Variants in WDR72 observed in about 807,000 individuals in gnomAD.
WDR72 encodes WD repeat domain 72.
A neutral mutation model predicts 124.2 loss-of-function variants in WDR72; 120 were observed. The ratio of observed to expected loss-of-function variants is 0.97; its 90% CI spans 0.83 to 1.12. The LOEUF (loss-of-function observed/expected upper bound fraction) is 1.12. Among genes scored for constraint, WDR72 ranks in the 50% most tolerant of loss-of-function variants. The pLI is 0.00. For missense variants in WDR72, 1,387 were observed against 1,278.8 expected, an observed-to-expected ratio of 1.08 and a Z score of -1.29; for synonymous variants, 452 against 441.7, an observed-to-expected ratio of 1.02 and a Z score of -0.29.
intron 11 of WDR72, 22 bp downstream of exon 11, chr15:53,704,966 G>A (rs761405627): frequency 1.2e-6 from 2 of 1,612,466 alleles, no homozygotes; most frequent in African/African-American, 2.7e-5. Context: ...CAAATAAATA[G>A]GGTCAAATAA....
intron 13 of WDR72, among the ~76,000 whole-genome samples, chr15:53,677,128 G>T (rs1228023995): frequency 3.9e-5 from 6 of 151,968 alleles, no homozygotes; most frequent in Non-Finnish European, 8.8e-5. Flanking sequence ...CACTGTGTTA[G>T]CCAGGATGGT....
At chr15:53,626,539 G>C (rs992590427) in intron 14 of WDR72, among the ~76,000 whole-genome samples, 2 of 152,194 alleles carry the variant, frequency 1.3e-5, no homozygotes, top group Admixed American at 6.5e-5. Flanking sequence ...GAGTGCAGCT[G>C]CAAGATTTAA....
At chr15:53,700,651 G>A (rs1301911414) in intron 12 of WDR72, among the ~76,000 whole-genome samples, 4 of 152,096 alleles carry the variant, frequency 2.6e-5, no homozygotes, top group African/African-American at 9.7e-5. Context: ...CATCAGTTTG[G>A]AGACCTTGAG....
chr15:53,570,629 T>C (rs1894487350), intron 18 of WDR72, among the ~76,000 whole-genome samples: 1 of 152,118 alleles, frequency 6.6e-6, no homozygotes, highest in Non-Finnish European at 1.5e-5. Flanking sequence ...TTATACACTG[T>C]TGGTGGGAAT....
intron 14 of WDR72, among the ~76,000 whole-genome samples, chr15:53,665,062 G>A (rs1434847450): frequency 6.6e-6 from 1 of 152,078 alleles, no homozygotes; most frequent in Non-Finnish European, 1.5e-5. Context: ...TGCTAAGCTG[G>A]TTGACTTGGT....
chr15:53,549,909 T>G (rs925125301), intron 18 of WDR72, among the ~76,000 whole-genome samples: 1 of 152,174 alleles, frequency 6.6e-6, no homozygotes, highest in African/African-American at 2.4e-5. Context: ...TCCCAGGGTT[T>G]CCCAGAGTTA....
At chr15:53,647,513 G>A (rs1200261407) in intron 14 of WDR72, among the ~76,000 whole-genome samples, 1 of 151,872 alleles carries the variant, frequency 6.6e-6, no homozygotes, top group South Asian at 2.1e-4. Context: ...ATTTTATATA[G>A]AGCCCTACAA....
At chr15:53,592,211 C>A (rs112950008) in intron 18 of WDR72, among the ~76,000 whole-genome samples, 1 of 152,070 alleles carries the variant, frequency 6.6e-6, no homozygotes, top group African/African-American at 2.4e-5. Context: ...TCCTCCATTA[C>A]TTCTCTGCTC....
intron 13 of WDR72, among the ~76,000 whole-genome samples, chr15:53,679,791 T>A (rs948909569): frequency 3.9e-5 from 6 of 152,190 alleles, no homozygotes; most frequent in Non-Finnish European, 7.4e-5. Flanking sequence ...AAGCCCACAA[T>A]TCCTTATCCA....
intron 9 of WDR72, among the ~76,000 whole-genome samples, chr15:53,707,477 C>T (rs28572203): frequency 1.6e-3 from 249 of 151,244 alleles, no homozygotes; most frequent in Non-Finnish European, 3.0e-3. Context: ...GACAGAGTCT[C>T]GCTCTGTTGC....
intron 18 of WDR72, among the ~76,000 whole-genome samples, chr15:53,579,717 T>G (rs917069150): frequency 6.6e-5 from 10 of 152,126 alleles, no homozygotes; most frequent in African/African-American, 2.4e-4. Context: ...CTCAATGACC[T>G]GCAAATGATT....
At chr15:53,547,992 G>A (rs377742210) in intron 18 of WDR72, among the ~76,000 whole-genome samples, 23 of 152,332 alleles carry the variant, frequency 1.5e-4, no homozygotes, top group East Asian at 9.6e-4. Flanking sequence ...GGTTGATGAC[G>A]TCTTTGTAAT....
At chr15:53,565,407 T>C (rs1039622349) in intron 18 of WDR72, among the ~76,000 whole-genome samples, 4 of 151,876 alleles carry the variant, frequency 2.6e-5, no homozygotes, top group Non-Finnish European at 4.4e-5. Flanking sequence ...CCATTTCTTT[T>C]TTGGAAGGCA....
chr15:53,637,782 T>A (rs1303841481), intron 14 of WDR72, among the ~76,000 whole-genome samples: 4 of 152,182 alleles, frequency 2.6e-5, no homozygotes, highest in Admixed American at 2.6e-4. Flanking sequence ...TCCCTTCAAC[T>A]CTTTAGCAAT....
intron 13 of WDR72, chr15:53,684,522 C>G (rs957218971): frequency 7.4e-5 from 12 of 162,426 alleles, no homozygotes; most frequent in Admixed American, 2.6e-4. Context: ...AGCGGCGCAC[C>G]ACGAGATTAT....
intron 16 of WDR72, among the ~76,000 whole-genome samples, 166 bp from the exon 17 acceptor site, chr15:53,609,758 G>C (rs368329063): frequency 3.3e-5 from 5 of 152,086 alleles, no homozygotes; most frequent in African/African-American, 1.2e-4. Flanking sequence ...CTGTGGTAGA[G>C]GTGGGACAGG....
chr15:53,634,589 T>G (rs369641253), intron 14 of WDR72, among the ~76,000 whole-genome samples: 1 of 152,160 alleles, frequency 6.6e-6, no homozygotes, highest in African/African-American at 2.4e-5. Flanking sequence ...ATGCAGCCCA[T>G]AGGCTGCAGG....
intron 18 of WDR72, among the ~76,000 whole-genome samples, chr15:53,527,230 G>A (rs1037102703): frequency 2.6e-5 from 4 of 152,056 alleles, no homozygotes; most frequent in African/African-American, 9.7e-5. Flanking sequence ...AAAAGTGGTA[G>A]CAGGGCCATC....
intron 4 of WDR72, 63 bp downstream of exon 4, chr15:53,716,544 T>G: frequency 9.1e-7 from 1 of 1,097,668 alleles, no homozygotes. Context: ...AGAAGTGTAT[T>G]TGCAAATGCC....
Sources: allele counts gnomAD v4.1 joint callset (sites outside exome capture counted in the v4.1 genomes callset), GRCh38; gene constraint gnomAD v4.1.1; transcripts MANE v1.5; gene names NCBI Gene and HGNC (gene_info 2026-07-23, HGNC 2026-07-21).